CCDC170: variants seen among roughly 807,000 people sequenced by gnomAD.
The protein encoded by CCDC170 is coiled-coil domain containing 170.
In CCDC170, 69 loss-of-function variants were observed where a neutral mutation model predicts 72.6. That is an observed-to-expected ratio of 0.95 (90% CI 0.78 to 1.16). The LOEUF (loss-of-function observed/expected upper bound fraction) is 1.16. CCDC170 is among the 50% of genes most tolerant of loss of function. The pLI, the probability that CCDC170 is intolerant of heterozygous loss-of-function variation, is 0.00. For synonymous variants in CCDC170, 300 were observed against 303.9 expected, an observed-to-expected ratio of 0.99 and a Z score of 0.13; for missense variants, 852 against 832.5, an observed-to-expected ratio of 1.02 and a Z score of -0.29.
Position 151,596,519 on chromosome 6 carries a change from C to G in CCDC170, c.1652C>G (p.Thr551Arg). The change falls in exon 9 of 11, where the codon ACG becomes AGG. Residue 551 changes from threonine (T) to arginine (R), a missense_variant. Physicochemically the swap from Thr to Arg is moderately conservative, Grantham distance 71. Transcript: ENST00000239374. ...GAGAGGCTGCAGAAAGAGCTGAACA[C>G]GTGTCGAGACTTGCACACCGAGCTC... is the stretch of plus-strand genomic sequence containing the variant. ...KVERLQKELNTCRDLHTELKA... is the reference protein window; with the variant it reads ...KVERLQKELNRCRDLHTELKA... The G allele has an allele frequency of 1.2e-6, 2 of 1,614,064 alleles. No individual in the cohort carries two copies. Among genetic ancestry groups the G allele is most frequent in the Non-Finnish European group, 1.7e-6 (2 of 1,180,006 alleles).
intron 1 of CCDC170, among the ~76,000 whole-genome samples, chr6:151,500,101 C>A (rs181352533): frequency 2.2e-4 from 34 of 152,294 alleles, no homozygotes; most frequent in East Asian, 1.7e-3. Flanking sequence ...TCCTCACCCC[C>A]ACTTGTTATT....
intron 1 of CCDC170, among the ~76,000 whole-genome samples, chr6:151,497,952 C>CAAAAA (rs59201906): frequency 0.032 from 1,693 of 53,136 alleles, 1 homozygote; most frequent in Non-Finnish European, 0.043. Context: ...CACACCATCT[C>CAAAAA]AAAAAAAAAA....
At chr6:151,527,160 G>A (rs1368595487) in intron 1 of CCDC170, among the ~76,000 whole-genome samples, 4 of 145,606 alleles carry the variant, frequency 2.7e-5, no homozygotes. Flanking sequence ...GCCTCCCAAA[G>A]TGCTGGGATT....
intron 1 of CCDC170, among the ~76,000 whole-genome samples, chr6:151,527,050 AT>A (rs56941290): frequency 0.06 from 4,156 of 69,696 alleles, 65 homozygotes; most frequent in East Asian, 0.21. Flanking sequence ...ATGCTTAGCT[AT>A]TTTTTTTTTT....
intron 7 of CCDC170, among the ~76,000 whole-genome samples, chr6:151,592,775 C>A (rs1776561776): frequency 6.6e-6 from 1 of 152,182 alleles, no homozygotes; most frequent in Non-Finnish European, 1.5e-5. Flanking sequence ...GGCATGGTTG[C>A]AGCAACAAGT....
intron 1 of CCDC170, among the ~76,000 whole-genome samples, chr6:151,495,472 C>G (rs1002728183): frequency 6.6e-6 from 1 of 151,272 alleles, no homozygotes; most frequent in African/African-American, 2.4e-5. Context: ...CTTTTTTTCT[C>G]TTGTTCTCTC....
intron 1 of CCDC170, among the ~76,000 whole-genome samples, chr6:151,509,687 T>C (rs1294499706): frequency 6.6e-6 from 1 of 152,212 alleles, no homozygotes; most frequent in Non-Finnish European, 1.5e-5. Flanking sequence ...TTAAATCAAT[T>C]ATTTGAGCTT....
intron 3 of CCDC170, among the ~76,000 whole-genome samples, chr6:151,543,161 TC>T (rs1224762553): frequency 6.6e-6 from 1 of 152,170 alleles, no homozygotes; most frequent in Non-Finnish European, 1.5e-5. Context: ...TTTGACAATC[TC>T]TTAGTTGCTA....
intron 9 of CCDC170, among the ~76,000 whole-genome samples, chr6:151,603,348 C>T (rs1337932344): frequency 6.6e-6 from 1 of 152,124 alleles, no homozygotes; most frequent in Non-Finnish European, 1.5e-5. Context: ...ACTGCAGATA[C>T]TTTATTTGTA....
At chr6:151,581,176 C>CT (rs1249195832) in intron 6 of CCDC170, among the ~76,000 whole-genome samples, 5 of 151,946 alleles carry the variant, frequency 3.3e-5, no homozygotes, top group Admixed American at 6.6e-5. Flanking sequence ...ACAATTGACT[C>CT]TTTTTTTTCT....
At chr6:151,511,448 C>T (rs1371794439) in intron 1 of CCDC170, among the ~76,000 whole-genome samples, 1 of 152,180 alleles carries the variant, frequency 6.6e-6, no homozygotes, top group Non-Finnish European at 1.5e-5. Context: ...TTTATCCATC[C>T]ATTAATTTAT....
At chr6:151,610,773 C>A (rs1219447649) in intron 9 of CCDC170, among the ~76,000 whole-genome samples, 1 of 152,208 alleles carries the variant, frequency 6.6e-6, no homozygotes, top group African/African-American at 2.4e-5. Flanking sequence ...CAGGTGCCTG[C>A]TCTACTGGTG....
intron 5 of CCDC170, among the ~76,000 whole-genome samples, chr6:151,569,878 A>G (rs73783073): frequency 0.022 from 3,347 of 152,292 alleles, 112 homozygotes; most frequent in African/African-American, 0.077. Context: ...GAAACAGCTT[A>G]GGGTTCACTG....
chr6:151,566,005 C>A (rs1243559656), intron 5 of CCDC170, among the ~76,000 whole-genome samples: 1 of 152,172 alleles, frequency 6.6e-6, no homozygotes, highest in Non-Finnish European at 1.5e-5. Context: ...CAGTTCAGGG[C>A]AGAGTGTCTG....
intron 5 of CCDC170, among the ~76,000 whole-genome samples, chr6:151,556,873 A>AT (rs1782986370): frequency 6.6e-6 from 1 of 152,036 alleles, no homozygotes; most frequent in Non-Finnish European, 1.5e-5. Context: ...ATCTCTCTTC[A>AT]TCCCTCCTCC....
At chr6:151,571,754 G>T (rs1776222446) in intron 5 of CCDC170, among the ~76,000 whole-genome samples, 1 of 152,046 alleles carries the variant, frequency 6.6e-6, no homozygotes. Flanking sequence ...CTCCTTTGGT[G>T]CCTCTGTGGG....
intron 1 of CCDC170, among the ~76,000 whole-genome samples, chr6:151,527,084 A>G (rs1395241790): frequency 1.6e-5 from 2 of 124,406 alleles, no homozygotes; most frequent in Non-Finnish European, 1.7e-5. Context: ...TGCATTTTCA[A>G]TAGGGTTTTG....
In CCDC170 at chr6:151,494,125, C is replaced by G. The variant is rs937111772; in HGVS notation, c.-4C>G. ...TCCGAGCGCGCCCCCGGGCTCGGGTCGTCATGAGCCTGGACTGCACCAGCC... is the reference window on the plus strand; with the variant it reads ...TCCGAGCGCGCCCCCGGGCTCGGGTGGTCATGAGCCTGGACTGCACCAGCC... On this transcript the variant is annotated 5_prime_UTR_variant, in exon 1 of 11. Coordinates refer to ENST00000239374, the MANE Select transcript of CCDC170 (RefSeq NM_025059.4). 2.1e-5 allele frequency: 32 copies of G among 1,499,736 alleles called. No individual in the cohort carries two copies. Among genetic ancestry groups the G allele is most frequent in the Non-Finnish European group, 2.7e-5 (31 of 1,131,300 alleles). 92.9% of individuals were successfully genotyped at this position (1,499,736 alleles called of 1,614,324 possible). A position where few individuals can be genotyped will look rare whatever the true frequency, so the allele number is the denominator to read the frequency against.
intron 1 of CCDC170, among the ~76,000 whole-genome samples, chr6:151,518,777 G>T (rs1336154110): frequency 6.6e-6 from 1 of 152,152 alleles, no homozygotes; most frequent in Non-Finnish European, 1.5e-5. Flanking sequence ...TCACATATCG[G>T]TAGGACCATG....
Sources: allele counts gnomAD v4.1 joint callset (sites outside exome capture counted in the v4.1 genomes callset), GRCh38; gene constraint gnomAD v4.1.1; transcripts MANE v1.5; gene names NCBI Gene and HGNC (gene_info 2026-07-23, HGNC 2026-07-21).